ARHGAP22: variants seen among roughly 807,000 people sequenced by gnomAD.
The protein encoded by ARHGAP22 is Rho GTPase activating protein 22.
A neutral mutation model predicts 59.1 loss-of-function variants in ARHGAP22; 48 were observed. That is an observed-to-expected ratio of 0.81 (90% CI 0.64 to 1.03). The LOEUF is 1.03. Among genes scored for constraint, ARHGAP22 ranks in the 50% least tolerant of loss-of-function variants. The pLI is 0.00. For missense variants in ARHGAP22, 1,015 were observed against 958.7 expected, an observed-to-expected ratio of 1.06 and a Z score of -0.78; for synonymous variants, 445 against 416.4, an observed-to-expected ratio of 1.07 and a Z score of -0.84.
rs1319727381 is a variant in ARHGAP22, at chr10:48,454,144, A to C, written c.810T>G (p.Ala270=). ...KDEGEGTLEL[A]KQVSNLPQAN... ...CCTGAGGAAGGTTGCTCACTTGTTTAGCCAACTCCAGAGTGCCCTTAGGAA... is the reference window on the plus strand; with the variant it reads ...CCTGAGGAAGGTTGCTCACTTGTTTCGCCAACTCCAGAGTGCCCTTAGGAA... Residue 270 remains alanine, a synonymous_variant, in exon 7 of 10, where the codon GCT becomes GCG. Coordinates refer to ENST00000249601, the MANE Select transcript of ARHGAP22 (RefSeq NM_021226.4). The C allele has an allele frequency of 6.2e-7, 1 of 1,614,000 alleles. No homozygotes were observed. Among genetic ancestry groups the C allele is most frequent in the South Asian group, 1.1e-5 (1 of 91,080 alleles).
At chr10:48,634,023 G>A (rs562920821) in intron 1 of ARHGAP22, among the ~76,000 whole-genome samples, 2 of 152,262 alleles carry the variant, frequency 1.3e-5, no homozygotes, top group Admixed American at 6.5e-5. Flanking sequence ...TTCCTCCCAC[G>A]CTTGTTTCTA....
chr10:48,642,358 C>T (rs894332966), intron 1 of ARHGAP22, among the ~76,000 whole-genome samples: 36 of 152,156 alleles, frequency 2.4e-4, no homozygotes, highest in African/African-American at 8.4e-4. Flanking sequence ...CTACAGTAAC[C>T]AAAACAGCAT....
rs536526334 is a variant in ARHGAP22 at position 48,513,215 on chromosome 10, T to C, written c.323-33451A>G. Among the ~76,000 whole-genome samples, 60 of 152,292 alleles carry C rather than the reference T, an allele frequency of 3.9e-4. 1 individual carries two copies. In the South Asian group the frequency reaches 0.012, roughly 29 times the overall value. ...CAGCTGCCTAAAGCTGTGATACCAA[T>C]TGGGGCAAACAAGAGCTGGCCAAAA... On this transcript the variant is annotated intron_variant, in intron 3 of 9. Coordinates refer to ENST00000249601, the MANE Select transcript of ARHGAP22 (RefSeq NM_021226.4).
chr10:48,649,023 A>G (rs750170210), intron 1 of ARHGAP22, among the ~76,000 whole-genome samples: 11 of 152,160 alleles, frequency 7.2e-5, no homozygotes, highest in Admixed American at 2.0e-4. Flanking sequence ...CTTTGCAAAG[A>G]TCCAGGTGAG....
intron 3 of ARHGAP22, among the ~76,000 whole-genome samples, chr10:48,549,339 A>T (rs937292265): frequency 2.0e-5 from 3 of 152,024 alleles, no homozygotes; most frequent in Admixed American, 2.0e-4. Context: ...TGGTCACCTG[A>T]TGTCTTTACC....
chr10:48,641,641 C>A (rs1438398640), intron 1 of ARHGAP22, among the ~76,000 whole-genome samples: 1 of 152,142 alleles, frequency 6.6e-6, no homozygotes, highest in African/African-American at 2.4e-5. Context: ...CAATATCATA[C>A]TGAATGGGCA....
chr10:48,460,028 CAT>C, intron 4 of ARHGAP22, 137 bp from the exon 5 acceptor site: 1 of 890,400 alleles, frequency 1.1e-6, no homozygotes. Flanking sequence ...TGGGAGGATG[CAT>C]ACCAGAAGGC....
intron 3 of ARHGAP22, among the ~76,000 whole-genome samples, chr10:48,520,485 AG>A (rs1209820723): frequency 1.3e-5 from 2 of 151,126 alleles, no homozygotes; most frequent in East Asian, 1.9e-4. Flanking sequence ...AGAGCCTGAC[AG>A]GGGGGCCAGG....
At position 48,604,860 on chromosome 10, in the gene ARHGAP22, C is replaced by T. The variant is rs545145422; in HGVS notation, c.-64G>A. 2.0e-5 allele frequency: 32 copies of T among 1,612,802 alleles called. No homozygotes were observed. The highest frequency in any genetic ancestry group is 1.6e-4 in the South Asian group (15 of 91,032). On this transcript the variant is annotated 5_prime_UTR_variant, in exon 1 of 10. Coordinates refer to ENST00000249601, the MANE Select transcript of ARHGAP22 (RefSeq NM_021226.4). Reference sequence around the variant, plus strand: ...ATGCTGTCATCCACTTGCTTTTGCTCGTCCTCGCGCCTAGTCGCCCCTCAT... The same window carrying T: ...ATGCTGTCATCCACTTGCTTTTGCTTGTCCTCGCGCCTAGTCGCCCCTCAT...
rs902442517 is a variant in ARHGAP22 at position 48,591,872 on chromosome 10, T to TA, written c.35-8721dup. ...TTGGACAATAGAGCAAGACCCTGTC[T>TA]AAAAAAAACCCCAAAACAACAACAA... On this transcript the variant is annotated intron_variant, in intron 1 of 9. Coordinates refer to ENST00000249601, the MANE Select transcript of ARHGAP22 (RefSeq NM_021226.4). Among the ~76,000 whole-genome samples the TA allele has an allele frequency of 5.3e-5, 8 of 151,568 alleles. No homozygotes were observed. The East Asian group carries it at 9.7e-4, about 18-fold the overall frequency.
chr10:48,513,051 C>T (rs1413864423), intron 3 of ARHGAP22, among the ~76,000 whole-genome samples: 1 of 152,206 alleles, frequency 6.6e-6, no homozygotes, highest in East Asian at 1.9e-4. Context: ...CCCCCACCCA[C>T]TCTTTTTTAA....
chr10:48,562,435 A>G (rs1460330493), intron 2 of ARHGAP22, among the ~76,000 whole-genome samples: 1 of 152,228 alleles, frequency 6.6e-6, no homozygotes, highest in African/African-American at 2.4e-5. Context: ...GTACCTGCAT[A>G]CAGTGCAATA....
At chr10:48,503,233 T>C (rs1439734378) in intron 3 of ARHGAP22, among the ~76,000 whole-genome samples, 3 of 152,314 alleles carry the variant, frequency 2.0e-5, no homozygotes, top group East Asian at 1.9e-4. Flanking sequence ...GAAGACCATG[T>C]TCCGAAATGT....
chr10:48,585,261 A>T (rs2889659), intron 1 of ARHGAP22, among the ~76,000 whole-genome samples: 2 of 152,038 alleles, frequency 1.3e-5, no homozygotes, highest in African/African-American at 4.8e-5. Flanking sequence ...TGCTTGATAC[A>T]CTGCTTCCTT....
At chr10:48,591,145 T>C (rs2059725179) in intron 1 of ARHGAP22, among the ~76,000 whole-genome samples, 1 of 152,016 alleles carries the variant, frequency 6.6e-6, no homozygotes, top group East Asian at 1.9e-4. Flanking sequence ...GCTCAGAGCC[T>C]CCAGAGAGGA....
chr10:48,493,735 C>T (rs182296514), intron 3 of ARHGAP22: 12 of 1,156,990 alleles, frequency 1.0e-5, no homozygotes, highest in Middle Eastern at 3.1e-4. Flanking sequence ...CTGGGATCCC[C>T]GCCAGTGGGA....
intron 1 of ARHGAP22, among the ~76,000 whole-genome samples, chr10:48,649,365 A>G (rs576517148): frequency 6.6e-6 from 1 of 152,112 alleles, no homozygotes; most frequent in East Asian, 1.9e-4. Context: ...GGCGTGGGAG[A>G]GGGTTTCGAA....
intron 4 of ARHGAP22, among the ~76,000 whole-genome samples, chr10:48,467,440 T>C (rs1589554281): frequency 2.7e-5 from 4 of 149,830 alleles, no homozygotes; most frequent in Non-Finnish European, 3.0e-5. Flanking sequence ...GTCCCAAGGG[T>C]AGGAGGGCAG....
intron 1 of ARHGAP22, among the ~76,000 whole-genome samples, chr10:48,650,172 C>T (rs2062500394): frequency 9.7e-6 from 1 of 103,050 alleles, no homozygotes; most frequent in Non-Finnish European, 1.9e-5. Context: ...TTTTTTTCTG[C>T]AGCCTTTCAC....
Sources: gnomAD v4.1 joint callset for allele counts (sites outside exome capture counted in the v4.1 genomes callset) on GRCh38, gnomAD v4.1.1 for gene constraint, MANE v1.5 for transcripts, NCBI Gene and HGNC (gene_info 2026-07-23, HGNC 2026-07-21) for gene names.